HEMK2: variants seen among roughly 807,000 people sequenced by gnomAD.
HEMK2 encodes the protein methyltransferase HEMK2.
chr21:28,870,062 T>C, the HEMK2 span, among the ~76,000 whole-genome samples: 2 of 152,244 alleles, frequency 1.3e-5, no homozygotes, highest in African/African-American at 2.4e-5. Context: ...TTTATCATTA[T>C]GTTGTTGCCT....
At chr21:28,739,332 A>G in the HEMK2 span, among the ~76,000 whole-genome samples, 1 of 152,352 alleles carries the variant, frequency 6.6e-6, no homozygotes, top group African/African-American at 2.4e-5. Flanking sequence ...AGGATTAGTA[A>G]GGACATTTCA....
chr21:28,752,665 C>A, the HEMK2 span, among the ~76,000 whole-genome samples: 1 of 152,220 alleles, frequency 6.6e-6, no homozygotes. Flanking sequence ...AGGGACCACT[C>A]TCAACTCAGT....
the HEMK2 span, among the ~76,000 whole-genome samples, chr21:28,854,630 C>G: frequency 6.6e-6 from 1 of 152,154 alleles, no homozygotes; most frequent in East Asian, 1.9e-4. Context: ...AGTCCGAGTT[C>G]CAAAACTGAA....
chr21:28,596,575 G>T, the HEMK2 span, among the ~76,000 whole-genome samples: 31,034 of 152,110 alleles, frequency 0.2, 3,448 homozygotes, highest in Non-Finnish European at 0.25. Flanking sequence ...GTCAGAGAAG[G>T]TTTAATTCAG....
chr21:28,783,825 G>A, the HEMK2 span, among the ~76,000 whole-genome samples: 1 of 152,204 alleles, frequency 6.6e-6, no homozygotes, highest in South Asian at 2.1e-4. Context: ...GGGTAGGGAT[G>A]GGCTTGGCGG....
At chr21:28,799,072 G>C in the HEMK2 span, among the ~76,000 whole-genome samples, 3 of 151,764 alleles carry the variant, frequency 2.0e-5, no homozygotes, top group Admixed American at 2.0e-4. Flanking sequence ...AAATTCCACA[G>C]CACCTCCCTA....
the HEMK2 span, among the ~76,000 whole-genome samples, chr21:28,650,854 A>G: frequency 6.6e-6 from 1 of 152,200 alleles, no homozygotes; most frequent in Admixed American, 6.5e-5. Context: ...AGCTGAGAAG[A>G]GGCTATGAAA....
the HEMK2 span, among the ~76,000 whole-genome samples, chr21:28,782,904 G>A: frequency 6.6e-6 from 1 of 151,980 alleles, no homozygotes. Context: ...TTTTTTAAAT[G>A]GCCAATCTCT....
the HEMK2 span, among the ~76,000 whole-genome samples, chr21:28,830,787 G>A: frequency 2.0e-5 from 3 of 150,822 alleles, no homozygotes; most frequent in Non-Finnish European, 2.9e-5. Context: ...TGAGGCAGGA[G>A]AATCGCTTGA....
the HEMK2 span, among the ~76,000 whole-genome samples, chr21:28,852,065 A>G: frequency 6.6e-6 from 1 of 152,208 alleles, no homozygotes; most frequent in Non-Finnish European, 1.5e-5. Context: ...TCTTCTGTAC[A>G]GTCCAAACGG....
At chr21:28,761,375 T>C in the HEMK2 span, among the ~76,000 whole-genome samples, 2 of 152,132 alleles carry the variant, frequency 1.3e-5, no homozygotes, top group Non-Finnish European at 2.9e-5. Context: ...AAAAAATTAA[T>C]ATTAAAAATA....
chr21:28,681,703 A>G, the HEMK2 span, among the ~76,000 whole-genome samples: 1 of 152,008 alleles, frequency 6.6e-6, no homozygotes, highest in Non-Finnish European at 1.5e-5. Flanking sequence ...CAAAACAGAG[A>G]TATAGACCAA....
the HEMK2 span, among the ~76,000 whole-genome samples, chr21:28,850,280 A>AG: frequency 1.5e-5 from 2 of 130,888 alleles, no homozygotes; most frequent in African/African-American, 6.0e-5. Context: ...GCTGGAGTGC[A>AG]GTGGCGCAAT....
the HEMK2 span, among the ~76,000 whole-genome samples, chr21:28,852,929 T>G: frequency 6.6e-6 from 1 of 152,230 alleles, no homozygotes; most frequent in Non-Finnish European, 1.5e-5. Context: ...TACACCCACC[T>G]TGCCTTTGAT....
the HEMK2 span, among the ~76,000 whole-genome samples, chr21:28,755,597 C>T: frequency 0.19 from 29,439 of 152,150 alleles, 3,565 homozygotes; most frequent in African/African-American, 0.34. Flanking sequence ...TACCTGTAAA[C>T]TGATACTTAA....
the HEMK2 span, among the ~76,000 whole-genome samples, chr21:28,825,477 G>C: frequency 6.6e-6 from 1 of 152,234 alleles, no homozygotes; most frequent in East Asian, 1.9e-4. Flanking sequence ...TATGAGCTAG[G>C]GACCAAAGGC....
the HEMK2 span, among the ~76,000 whole-genome samples, chr21:28,690,898 C>G: frequency 6.6e-6 from 1 of 152,108 alleles, no homozygotes; most frequent in South Asian, 2.1e-4. Flanking sequence ...TAGAGCTTCT[C>G]TCGGTCAGGA....
At chr21:28,852,302 G>A in the HEMK2 span, among the ~76,000 whole-genome samples, 1 of 152,174 alleles carries the variant, frequency 6.6e-6, no homozygotes, top group South Asian at 2.1e-4. Context: ...TGCTAAGTAT[G>A]TCTATGCCAA....
At chr21:28,622,307 C>A in the HEMK2 span, among the ~76,000 whole-genome samples, 1 of 152,122 alleles carries the variant, frequency 6.6e-6, no homozygotes, top group African/African-American at 2.4e-5. Context: ...GAACTACAAA[C>A]CACTGCTCAA....
Sources: allele counts gnomAD v4.1 joint callset (sites outside exome capture counted in the v4.1 genomes callset), GRCh38; gene constraint gnomAD v4.1.1; transcripts MANE v1.5; gene names NCBI Gene and HGNC (gene_info 2026-07-23, HGNC 2026-07-21).